Variants in KAZN observed in about 807,000 individuals in gnomAD.
KAZN encodes the protein kazrin.
KAZN carries 40 observed loss-of-function variants against 87.4 expected under a neutral mutation model. That is an observed-to-expected ratio of 0.46 (90% CI 0.36 to 0.60). The LOEUF is 0.60. Ranked by LOEUF, KAZN falls within the 20% of genes least tolerant of loss-of-function variation. The pLI is 0.00. For missense variants in KAZN, 898 were observed against 1,073.9 expected (o/e 0.84, Z 2.29); for synonymous variants, 466 against 458.3 (o/e 1.02, Z -0.22).
rs187184236 is a variant in KAZN, at chr1:14,177,595, T to A, written c.92-2840T>A. Among the ~76,000 whole-genome samples, 239 of 152,304 alleles carry A rather than the reference T, an allele frequency of 1.6e-3. No homozygotes were observed. In the South Asian group the frequency reaches 0.017, roughly 11 times the overall value. On this transcript the variant is annotated intron_variant, in intron 1 of 16. Transcript: ENST00000636203. ...TACTTTCGAAATGTCAATTTTTTTT[T>A]ATCTCCTGGTTTGCATAGATTCCGA...
At chr1:14,930,149 A>C (rs997065544) in intron 1 of KAZN, 73 of 858,020 alleles carry the variant, frequency 8.5e-5, no homozygotes, top group Non-Finnish European at 1.0e-4. Flanking sequence ...TCCTCAGTCT[A>C]CGTGCTGGAC....
intron 1 of KAZN, among the ~76,000 whole-genome samples, chr1:13,925,256 T>C (rs1570294777): frequency 6.6e-6 from 1 of 152,272 alleles, no homozygotes; most frequent in East Asian, 1.9e-4. Flanking sequence ...TGTTCCTGCA[T>C]GTATCAGTGC....
intron 2 of KAZN, among the ~76,000 whole-genome samples, chr1:14,985,296 AAGGTGGGAG>A (rs371779643): frequency 1.1e-4 from 15 of 138,444 alleles, no homozygotes; most frequent in Admixed American, 3.5e-4. Flanking sequence ...GTGGGAGGCC[AAGGTGGGAG>A]AATCACATGA....
intron 1 of KAZN, among the ~76,000 whole-genome samples, chr1:13,895,947 C>A (rs1468054850): frequency 1.6e-5 from 2 of 126,258 alleles, no homozygotes; most frequent in Non-Finnish European, 1.7e-5. Flanking sequence ...CCTGAACAAC[C>A]CTTCTTATAT....
intron 2 of KAZN, chr1:14,349,227 C>A (rs1015322491): frequency 1.3e-5 from 2 of 152,162 alleles, no homozygotes; most frequent in Non-Finnish European, 2.9e-5. Flanking sequence ...TGGCTGGGAG[C>A]CTGAGCCCAA....
At chr1:14,550,614 T>C (rs1437112460) in intron 2 of KAZN, among the ~76,000 whole-genome samples, 1 of 151,984 alleles carries the variant, frequency 6.6e-6, no homozygotes, top group Admixed American at 6.5e-5. Flanking sequence ...CACTTTAGGC[T>C]AGGGAAATTT....
chr1:14,924,610 G>T, intron 1 of KAZN: 12 of 996,738 alleles, frequency 1.2e-5, no homozygotes, highest in Non-Finnish European at 1.4e-5. Flanking sequence ...GGGCGGCGCG[G>T]ACACAGGCCC....
At chr1:14,586,516 T>C (rs568729400) in intron 2 of KAZN, among the ~76,000 whole-genome samples, 157 of 150,708 alleles carry the variant, frequency 1.0e-3, no homozygotes, top group African/African-American at 3.8e-3. Context: ...ATGAACTTTT[T>C]TCTTTCTGGT....
chr1:15,050,149 A>G (rs1557756890), intron 4 of KAZN, among the ~76,000 whole-genome samples: 1 of 111,328 alleles, frequency 9.0e-6, no homozygotes, highest in Admixed American at 9.4e-5. Flanking sequence ...ATAGAATAAT[A>G]GAATAGAATG....
At chr1:14,760,609 C>T (rs1361180493) in intron 1 of KAZN, among the ~76,000 whole-genome samples, 1 of 152,168 alleles carries the variant, frequency 6.6e-6, no homozygotes, top group Admixed American at 6.5e-5. Flanking sequence ...TCTTTTAAAA[C>T]ATATCAATCC....
intron 2 of KAZN, among the ~76,000 whole-genome samples, chr1:14,403,712 G>A (rs1052960260): frequency 4.6e-5 from 7 of 152,282 alleles, no homozygotes; most frequent in African/African-American, 1.7e-4. Flanking sequence ...AACTAGTAAC[G>A]AGATACCATT....
intron 1 of KAZN, among the ~76,000 whole-genome samples, chr1:14,622,416 C>T (rs1428445075): frequency 1.3e-5 from 2 of 152,074 alleles, no homozygotes; most frequent in Non-Finnish European, 2.9e-5. Context: ...TAAGGCCAGG[C>T]GTGGTGGCTC....
At chr1:14,656,709 G>A (rs990933598) in intron 1 of KAZN, among the ~76,000 whole-genome samples, 8 of 152,160 alleles carry the variant, frequency 5.3e-5, no homozygotes, top group African/African-American at 1.9e-4. Context: ...AGGGGACGGC[G>A]CTACGCGCTT....
intron 2 of KAZN, among the ~76,000 whole-genome samples, chr1:14,392,281 C>A (rs986073880): frequency 1.6e-4 from 24 of 152,236 alleles, no homozygotes; most frequent in African/African-American, 5.8e-4. Flanking sequence ...ATGGGGTGGA[C>A]ATGTACATAT....
At chr1:14,881,088 G>A (rs558727670) in intron 1 of KAZN, among the ~76,000 whole-genome samples, 3 of 152,348 alleles carry the variant, frequency 2.0e-5, no homozygotes, top group East Asian at 3.9e-4. Flanking sequence ...GGAGCATGCG[G>A]TAACTGAGCT....
At chr1:14,865,451 C>T (rs943133734) in intron 1 of KAZN, among the ~76,000 whole-genome samples, 2 of 152,180 alleles carry the variant, frequency 1.3e-5, no homozygotes, top group African/African-American at 4.8e-5. Context: ...CCTGGCTTCT[C>T]CTGGTCTCCC....
At chr1:14,761,602 A>T (rs893920216) in intron 1 of KAZN, among the ~76,000 whole-genome samples, 8 of 152,224 alleles carry the variant, frequency 5.3e-5, no homozygotes, top group African/African-American at 1.7e-4. Flanking sequence ...CACGGAAAAC[A>T]TTAGAATTTC....
At chr1:14,358,132 C>G (rs1322486141) in intron 2 of KAZN, among the ~76,000 whole-genome samples, 1 of 152,014 alleles carries the variant, frequency 6.6e-6, no homozygotes, top group African/African-American at 2.4e-5. Context: ...TCAACTTGTT[C>G]CTAGTTTAGT....
intron 1 of KAZN, among the ~76,000 whole-genome samples, chr1:14,821,656 A>G (rs1474380644): frequency 6.6e-6 from 1 of 152,164 alleles, no homozygotes; most frequent in Non-Finnish European, 1.5e-5. Flanking sequence ...CTCAGGGAGA[A>G]GACAGCCGTC....
Sources: gnomAD v4.1 joint callset for allele counts (sites outside exome capture counted in the v4.1 genomes callset) on GRCh38, gnomAD v4.1.1 for gene constraint, MANE v1.5 for transcripts, NCBI Gene and HGNC (gene_info 2026-07-23, HGNC 2026-07-21) for gene names.